Variants in KANK4 observed in about 807,000 individuals in gnomAD.
The protein encoded by KANK4 is KN motif and ankyrin repeat domain-containing protein 4.
KANK4 carries 50 observed loss-of-function variants against 80.8 expected under a neutral mutation model. The ratio of observed to expected loss-of-function variants is 0.62; its 90% CI spans 0.49 to 0.78. The LOEUF (loss-of-function observed/expected upper bound fraction) is 0.78, where lower values mean the gene tolerates loss of function less well. KANK4 is among the 30% of genes least tolerant of loss of function. The pLI is 0.00. For synonymous variants in KANK4, 465 were observed against 506.9 expected, an observed-to-expected ratio of 0.92 and a Z score of 1.11; for missense variants, 1,196 against 1,240.1, an observed-to-expected ratio of 0.96 and a Z score of 0.53.
rs754977598 is a variant in KANK4, at chr1:62,306,288, A to C, written c.-71+12818T>G. On this transcript the variant is annotated intron_variant, in intron 1 of 9. Coordinates refer to ENST00000371153, the MANE Select transcript of KANK4 (RefSeq NM_181712.5). The stretch of plus-strand genomic sequence containing the variant: ...TACAGGCATGAGTCACTGCACCTAG[A>C]CCACAGACTTTCTTTACTCAGACCC... 4.2e-4 allele frequency among the ~76,000 whole-genome samples: 64 copies of C among 152,142 alleles called. 1 individual carries two copies. The highest frequency in any genetic ancestry group is 3.5e-4 in the Non-Finnish European group (24 of 68,036).
intron 7 of KANK4, among the ~76,000 whole-genome samples, chr1:62,254,588 C>T (rs1472299797): frequency 6.6e-6 from 1 of 151,586 alleles, no homozygotes; most frequent in Non-Finnish European, 1.5e-5. Context: ...GACAGTCTCT[C>T]TGTCGCCCAG....
intron 7 of KANK4, among the ~76,000 whole-genome samples, 187 bp from the exon 8 acceptor site, chr1:62,253,396 TTTTTCTTTC>T (rs1164835909): frequency 2.2e-5 from 3 of 139,344 alleles, no homozygotes; most frequent in Admixed American, 7.8e-5. Context: ...TCTTTTCTTT[TTTTTCTTTC>T]TTTCTTTTTT....
At chr1:62,304,260 G>A (rs1644434340) in intron 1 of KANK4, among the ~76,000 whole-genome samples, 1 of 152,024 alleles carries the variant, frequency 6.6e-6, no homozygotes, top group Admixed American at 6.5e-5. Flanking sequence ...TAACCAAGAC[G>A]TTGATCTGAA....
rs111980489 is a variant in KANK4, at chr1:62,285,101, C to T, written c.-70-3467G>A. ...AACAGGAACATGTCCAAGTTACAAA[C>T]GAGGAAACTAAGGCACAAAGAGTCC... is the stretch of plus-strand genomic sequence containing the variant. On this transcript the variant is annotated intron_variant, in intron 1 of 9. Transcript: ENST00000371153. Among the ~76,000 whole-genome samples, 300 of 152,292 alleles carry T rather than the reference C, an allele frequency of 2.0e-3. 2 individuals are homozygous for T. Among genetic ancestry groups the T allele is most frequent in the African/African-American group, 6.5e-3 (271 of 41,558 alleles).
intron 7 of KANK4, among the ~76,000 whole-genome samples, chr1:62,262,845 C>T (rs1010837233): frequency 1.3e-5 from 2 of 151,928 alleles, no homozygotes; most frequent in Non-Finnish European, 2.9e-5. Context: ...GCATAATGGA[C>T]AATTATACCA....
At chr1:62,302,292 C>G (rs914377337) in intron 1 of KANK4, among the ~76,000 whole-genome samples, 1 of 151,786 alleles carries the variant, frequency 6.6e-6, no homozygotes, top group Admixed American at 6.6e-5. Flanking sequence ...AGGAAGAAGC[C>G]GAGGGAGAAG....
At chr1:62,294,939 A>G (rs1644348559) in intron 1 of KANK4, among the ~76,000 whole-genome samples, 1 of 152,214 alleles carries the variant, frequency 6.6e-6, no homozygotes, top group African/African-American at 2.4e-5. Flanking sequence ...ATCCGGTAAT[A>G]CAAAGGAAGG....
chr1:62,289,162 T>C (rs980696444), intron 1 of KANK4, among the ~76,000 whole-genome samples: 5 of 152,106 alleles, frequency 3.3e-5, no homozygotes, highest in Admixed American at 6.6e-5. Context: ...AAAAGACGGA[T>C]GAGGAAAGGT....
chr1:62,280,932 T>C (rs1194679971), intron 2 of KANK4, among the ~76,000 whole-genome samples: 2 of 151,906 alleles, frequency 1.3e-5, no homozygotes, highest in Non-Finnish European at 2.9e-5. Context: ...ATATGACATA[T>C]GCAGAGACTG....
Position 62,247,480 on chromosome 1 carries a change from TCAGGCTGCTGTCG to T in KANK4, c.2862_2874del (p.Cys954Ter). The T allele has an allele frequency of 1.2e-6, 2 of 1,613,884 alleles. No individual in the cohort carries two copies. Among genetic ancestry groups the T allele is most frequent in the Non-Finnish European group, 1.7e-6 (2 of 1,180,002 alleles). On this transcript the variant is annotated frameshift_variant, in exon 9 of 10. Transcript: ENST00000371153. LOFTEE classifies it high-confidence loss of function. ...TTGCCTGTAAGTCTCACCTTGTCAGTCAGGCTGCTGTCGCAGGCTGGGTGTGCCAGGAGCAGCC... is the reference window on the plus strand; with the variant it reads ...TTGCCTGTAAGTCTCACCTTGTCAGTCAGGCTGGGTGTGCCAGGAGCAGCC...
At chr1:62,261,894 C>T (rs369774518) in intron 7 of KANK4, among the ~76,000 whole-genome samples, 83 of 152,166 alleles carry the variant, frequency 5.5e-4, no homozygotes, top group Non-Finnish European at 8.1e-4. Flanking sequence ...GCTCCCTGAA[C>T]TAGACACGCT....
intron 7 of KANK4, among the ~76,000 whole-genome samples, chr1:62,254,340 G>A (rs1193114669): frequency 6.6e-6 from 1 of 152,168 alleles, no homozygotes; most frequent in South Asian, 2.1e-4. Flanking sequence ...TCTGCCTCCC[G>A]GGTTCAAGTG....
At chr1:62,279,180 T>G (rs1303893067) in intron 2 of KANK4, among the ~76,000 whole-genome samples, 1 of 147,680 alleles carries the variant, frequency 6.8e-6, no homozygotes, top group African/African-American at 2.5e-5. Flanking sequence ...TAATAGGTGC[T>G]TTCCTAAGCT....
intron 2 of KANK4, among the ~76,000 whole-genome samples, chr1:62,279,958 C>T (rs1672416999): frequency 1.3e-5 from 2 of 152,116 alleles, no homozygotes; most frequent in South Asian, 4.2e-4. Flanking sequence ...CAGTCAGCTT[C>T]AGAGTTACAC....
rs575801699 is a variant in KANK4 at position 62,265,908 on chromosome 1, G to A, written c.2319+824C>T. On this transcript the variant is annotated intron_variant, in intron 6 of 9. Coordinates refer to ENST00000371153, the MANE Select transcript of KANK4 (RefSeq NM_181712.5). ...AACAGTAATGACTACAGAATTAAAC[G>A]TCAGGGTTTGAGAGGAATGGAAACA... Among the ~76,000 whole-genome samples, 47 of 152,316 alleles carry A rather than the reference G, an allele frequency of 3.1e-4. 1 individual carries two copies. Among genetic ancestry groups the A allele is most frequent in the Admixed American group, 2.7e-3 (42 of 15,300 alleles).
rs1672278189 is a variant in KANK4 at position 62,275,050 on chromosome 1, G to A, written c.54C>T (p.Asp18=). 6.2e-7 allele frequency: 1 copy of A among 1,613,382 alleles called. No individual in the cohort carries two copies. Among genetic ancestry groups the A allele is most frequent in the Admixed American group, 1.7e-5 (1 of 59,946 alleles). Residue 18 remains aspartate, a synonymous_variant, in exon 3 of 10, where the codon GAC becomes GAT. Transcript: ENST00000371153. ...DQSSQGDEEK[D]PPKSHPYSVE... ...CAGAATAAGGGTGGCTCTTCGGAGG[G>A]TCTTTCTCTTCATCCCCCTGAGAGG...
At position 62,285,786 on chromosome 1, in the gene KANK4, G is replaced by GA. The variant is rs150802125; in HGVS notation, c.-70-4153dup. Among the ~76,000 whole-genome samples the GA allele has an allele frequency of 5.7e-3, 798 of 139,140 alleles. 4 individuals carry two copies. Among genetic ancestry groups the GA allele is most frequent in the African/African-American group, 0.017 (650 of 38,176 alleles). The allele number at this position is 139,140 out of a possible 152,430, so 91.3% of individuals were successfully genotyped here. On this transcript the variant is annotated intron_variant, in intron 1 of 9. Transcript: ENST00000371153. ...CAAAGACAAAGCACTCTTTCCATAA[G>GA]AAAAAAAAAAAAATCACCTGTACCT...
intron 1 of KANK4, among the ~76,000 whole-genome samples, chr1:62,310,078 TGAA>T (rs764034040): frequency 1.3e-5 from 2 of 152,202 alleles, no homozygotes; most frequent in African/African-American, 2.4e-5. Flanking sequence ...AGCAAGCACC[TGAA>T]GAAGAATGTG....
intron 2 of KANK4, among the ~76,000 whole-genome samples, chr1:62,278,401 TTTTTTTTTGAGATGGA>T (rs1672373544): frequency 2.6e-5 from 1 of 38,710 alleles, no homozygotes; most frequent in Non-Finnish European, 4.4e-5. Context: ...TTCTTTCTTT[TTTTTTTTTGAGATGGA>T]ATTTCGTTCT....
Sources: gnomAD v4.1 joint callset for allele counts (sites outside exome capture counted in the v4.1 genomes callset) on GRCh38, gnomAD v4.1.1 for gene constraint, MANE v1.5 for transcripts, NCBI Gene and HGNC (gene_info 2026-07-23, HGNC 2026-07-21) for gene names.